GLS2: variants seen among roughly 807,000 people sequenced by gnomAD.
GLS2 encodes the protein glutaminase 2.
A neutral mutation model predicts 79.0 loss-of-function variants in GLS2; 52 were observed. The ratio of observed to expected loss-of-function variants is 0.66; its 90% CI spans 0.53 to 0.83. The LOEUF (loss-of-function observed/expected upper bound fraction) is 0.83, where lower values mean the gene tolerates loss of function less well. Ranked by LOEUF, GLS2 falls within the 40% of genes least tolerant of loss-of-function variation. The probability of loss-of-function intolerance (pLI) is 0.00; values close to 1 mark genes in which losing one functional copy is unlikely to be tolerated. For missense variants in GLS2, 561 were observed against 764.8 expected, an observed-to-expected ratio of 0.73 and a Z score of 3.14; for synonymous variants, 238 against 280.8, an observed-to-expected ratio of 0.85 and a Z score of 1.52.
intron 4 of GLS2, 122 bp from the exon 5 acceptor site, chr12:56,478,384 G>T: frequency 1.0e-6 from 1 of 985,146 alleles, no homozygotes; most frequent in Non-Finnish European, 1.5e-6. Context: ...GGGCAGAGGG[G>T]TTCCCTCCTG....
chr12:56,473,295 T>C lies in GLS2; in HGVS notation c.1382A>G (p.His461Arg), dbSNP rs762783950. 3.7e-6 allele frequency: 6 copies of C among 1,614,210 alleles called. No individual in the cohort carries two copies. The Admixed American group carries it at 1.0e-4, about 27-fold the overall frequency. The part of the protein sequence containing the change: ...CQKLVSLFNF[H>R]NYDNLRHCAR... Reference sequence around the variant, plus strand: ...ACAGTGCCTCAGGTTGTCATAGTTGTGGAAATTGAAGAGAGACACCAACTT... The same window carrying C: ...ACAGTGCCTCAGGTTGTCATAGTTGCGGAAATTGAAGAGAGACACCAACTT... The change falls in exon 14 of 18, where the codon CAC becomes CGC. Residue 461 changes from histidine (H) to arginine (R), a missense_variant. Physicochemically the swap from His to Arg is conservative, Grantham distance 29. This residue lies in a region of GLS2 where 136 missense variants were observed against 228.6 expected (regional missense o/e 0.59). Coordinates refer to ENST00000311966, the MANE Select transcript of GLS2 (RefSeq NM_013267.4).
chr12:56,488,149 G>A lies in GLS2; in HGVS notation c.-31C>T. 4.0e-6 allele frequency: 6 copies of A among 1,509,966 alleles called. No individual in the cohort carries two copies. Among genetic ancestry groups the A allele is most frequent in the Non-Finnish European group, 5.3e-6 (6 of 1,139,014 alleles). 93.5% of individuals were successfully genotyped at this position (1,509,966 alleles called of 1,614,324 possible). ...AGCAAGCCTCCGGCTCTGCAGGTGC[G>A]CCCGGGACCTCTAGCTGTGGCTGGG... On this transcript the variant is annotated 5_prime_UTR_variant, in exon 1 of 18. Coordinates refer to ENST00000311966, the MANE Select transcript of GLS2 (RefSeq NM_013267.4).
intron 9 of GLS2, chr12:56,475,382 G>C (rs1224006182): frequency 1.2e-6 from 1 of 827,960 alleles, no homozygotes; most frequent in East Asian, 2.7e-5. Flanking sequence ...GTCTTGGCAA[G>C]AAAGGGCTTA....
intron 16 of GLS2, 108 bp from the exon 17 acceptor site, chr12:56,471,944 TC>T: frequency 7.5e-7 from 1 of 1,331,420 alleles, no homozygotes; most frequent in Non-Finnish European, 1.1e-6. Context: ...AAAGGCCTCT[TC>T]CCATTTTGTA....
At chr12:56,482,017 G>A (rs1275461212) in intron 1 of GLS2, among the ~76,000 whole-genome samples, 1 of 152,128 alleles carries the variant, frequency 6.6e-6, no homozygotes, top group Non-Finnish European at 1.5e-5. Context: ...GATCACCTGA[G>A]GTCAGGAGTT....
chr12:56,480,296 A>G lies in GLS2; in HGVS notation c.274T>C (p.Phe92Leu). ...EGQERIPIHK[F>L]TTALKATGLQ... ...GGTAGAGGGCAACTTACAGTGGTGA[A>G]CTTGTGGATAGGGATTCGTTCCTGT... is the stretch of plus-strand genomic sequence containing the variant. The change falls in exon 2 of 18, where the codon TTC (phenylalanine) becomes CTC (leucine). Residue 92 changes from phenylalanine (F) to leucine (L), a missense_variant. By Grantham distance (22) the Phe-to-Leu change is conservative. This residue lies in a region of GLS2 where 161 missense variants were observed against 167.8 expected (regional missense o/e 0.96). Transcript: ENST00000311966. The G allele has an allele frequency of 1.2e-6, 2 of 1,613,934 alleles. No homozygotes were observed. Among genetic ancestry groups the G allele is most frequent in the Non-Finnish European group, 1.7e-6 (2 of 1,179,818 alleles).
Position 56,478,052 on chromosome 12 carries a change from C to T in GLS2, c.659G>A (p.Cys220Tyr). 1.2e-6 allele frequency: 2 copies of T among 1,614,188 alleles called. No individual in the cohort carries two copies. Among genetic ancestry groups the T allele is most frequent in the Non-Finnish European group, 1.7e-6 (2 of 1,180,020 alleles). ...HTKIPFCLQS[C>Y]VKPLTYAISI... ...GATGGCATAGGTGAGGGGCTTCACACAGGACTGCAGGCAGAAGGGGATCTT... is the reference window on the plus strand; with the variant it reads ...GATGGCATAGGTGAGGGGCTTCACATAGGACTGCAGGCAGAAGGGGATCTT... The change falls in exon 6 of 18, where the codon TGT becomes TAT. Residue 220 changes from cysteine (C) to tyrosine (Y), a missense_variant. Physicochemically the swap from Cys to Tyr is radical, Grantham distance 194 (BLOSUM62 -2). Around this residue, in one of 4 missense-constraint regions of GLS2, gnomAD observed 221 missense variants for 275.6 expected, o/e 0.80. Transcript: ENST00000311966.
In GLS2 at chr12:56,479,140, C is replaced by A; in HGVS notation, c.446G>T (p.Arg149Leu). ...AAAATCAGGAATGACAAACTTCTTT[C>A]GGAATGCCTGGGTCAGGAGCACAAT... ...SNIVLLTQAF[R>L]KKFVIPDFEE... Residue 149 changes from arginine to leucine, a missense_variant, in exon 4 of 18, where the codon CGA (arginine) becomes CTA (leucine). By Grantham distance (102) the Arg-to-Leu change is moderately radical. Coordinates refer to ENST00000311966, the MANE Select transcript of GLS2 (RefSeq NM_013267.4). 2 of 1,614,010 alleles carry A rather than the reference C, an allele frequency of 1.2e-6. No homozygotes were observed. Among genetic ancestry groups the A allele is most frequent in the Non-Finnish European group, 1.7e-6 (2 of 1,180,022 alleles).
intron 13 of GLS2, 34 bp from the exon 14 acceptor site, chr12:56,473,354 C>T (rs1297857249): frequency 6.2e-7 from 1 of 1,610,500 alleles, no homozygotes. Flanking sequence ...TGTTTATTTA[C>T]TCCTTACACT....
chr12:56,474,884 C>G lies in GLS2; in HGVS notation c.1009G>C (p.Gly337Arg). ...TCAAGGGCAGCCATCATGTCCACCC[C>G]CTTAGGAAAGCACTGCAAGGAAGAG... Reference protein sequence around the residue: ...YLKEKKCFPKGVDMMAALDLY... With the variant: ...YLKEKKCFPKRVDMMAALDLY... The change falls in exon 11 of 18, where the codon GGG becomes CGG. Residue 337 changes from glycine to arginine, a missense_variant. Gly to Arg is a moderately radical substitution (Grantham distance 125). This residue lies in a region of GLS2 where 221 missense variants were observed against 275.6 expected (regional missense o/e 0.80). Coordinates refer to ENST00000311966, the MANE Select transcript of GLS2 (RefSeq NM_013267.4). The G allele has an allele frequency of 6.2e-7, 1 of 1,614,142 alleles. No homozygotes were observed. Among genetic ancestry groups the G allele is most frequent in the Non-Finnish European group, 8.5e-7 (1 of 1,180,018 alleles).
Position 56,473,251 on chromosome 12 carries a change from G to A in GLS2, c.1426C>T (p.Arg476Trp), listed in dbSNP as rs772500412. Reference protein sequence around the residue: ...LRHCARKLDPRREGAEIRNKT... With the variant: ...LRHCARKLDPWREGAEIRNKT... ...ACCCGAATTTCTGCCCCTTCACGCC[G>A]TGGGTCTAACTTCCGAGCACAGTGC... Residue 476 changes from arginine to tryptophan, a missense_variant, in exon 14 of 18, where the codon CGG becomes TGG. Physicochemically the swap from Arg to Trp is moderately radical, Grantham distance 101. Transcript: ENST00000311966. The A allele has an allele frequency of 4.3e-6, 7 of 1,614,024 alleles. No individual in the cohort carries two copies. The highest frequency in any genetic ancestry group is 3.3e-5 in the Admixed American group (2 of 59,986).
chr12:56,481,618 T>C (rs1438453516), intron 1 of GLS2, among the ~76,000 whole-genome samples: 1 of 151,618 alleles, frequency 6.6e-6, no homozygotes, highest in Non-Finnish European at 1.5e-5. Flanking sequence ...AGGCTGGGCA[T>C]GGTGACTCAC....
chr12:56,479,336 T>C lies in GLS2; in HGVS notation c.405-155A>G, dbSNP rs1047018160. The C allele has an allele frequency of 5.6e-6, 5 of 888,244 alleles. No individual in the cohort carries two copies. In the Admixed American group the frequency reaches 1.3e-4, roughly 23 times the overall value. The allele number at this position is 888,244 out of a possible 1,614,324, so 55.0% of individuals were successfully genotyped here. A position where few individuals can be genotyped will look rare whatever the true frequency, so the allele number is the denominator to read the frequency against. On this transcript the variant is annotated intron_variant, in intron 3 of 17. Coordinates refer to ENST00000311966, the MANE Select transcript of GLS2 (RefSeq NM_013267.4). ...TGGCAAATCAGTTTACCTTTCTAGGTCTTAGTTTCCGTACCTCTAAAATGA... is the reference window on the plus strand; with the variant it reads ...TGGCAAATCAGTTTACCTTTCTAGGCCTTAGTTTCCGTACCTCTAAAATGA...
chr12:56,472,927 G>C lies in GLS2; in HGVS notation c.1450-176C>G, dbSNP rs570568345. On this transcript the variant is annotated intron_variant, in intron 14 of 17. Transcript: ENST00000311966. ...TTTTGAGACGGAGTCTCGCTCTGTC[G>C]TTCAGGCTGAAGTGTAGTGGCGCGC... is the stretch of plus-strand genomic sequence containing the variant. 6.8e-6 allele frequency: 4 copies of C among 590,090 alleles called. No individual in the cohort carries two copies. The African/African-American group carries it at 8.0e-5, about 12-fold the overall frequency. 36.6% of individuals were successfully genotyped at this position (590,090 alleles called of 1,614,324 possible). A position where few individuals can be genotyped will look rare whatever the true frequency, so the allele number is the denominator to read the frequency against.
chr12:56,474,341 G>C, intron 12 of GLS2: 1 of 613,626 alleles, frequency 1.6e-6, no homozygotes, highest in Non-Finnish European at 2.8e-6. Context: ...CACCTGCCTC[G>C]GCCTCCCAAA....
chr12:56,472,221 A>G (rs1869346907), intron 15 of GLS2, 26 bp from the exon 16 acceptor site: 39 of 1,605,760 alleles, frequency 2.4e-5, no homozygotes, highest in Non-Finnish European at 3.2e-5. Flanking sequence ...AAGCAGCTAG[A>G]GTTGCCTAGA....
intron 13 of GLS2, 41 bp from the exon 14 acceptor site, chr12:56,473,361 C>T (rs561053039): frequency 1.9e-6 from 3 of 1,609,268 alleles, no homozygotes; most frequent in Admixed American, 1.7e-5. Context: ...TTACTCCTTA[C>T]ACTTAGTAGG....
At chr12:56,481,650 G>A (rs1307806812) in intron 1 of GLS2, among the ~76,000 whole-genome samples, 1 of 151,066 alleles carries the variant, frequency 6.6e-6, no homozygotes, top group African/African-American at 2.4e-5. Flanking sequence ...CAGCACTTTG[G>A]GAGGCTGAGG....
intron 7 of GLS2, chr12:56,477,255 G>A: frequency 6.3e-6 from 1 of 159,348 alleles, no homozygotes; most frequent in Non-Finnish European, 1.4e-5. Context: ...GTGAATAACT[G>A]CCCTGGCCTG....
Sources: allele counts gnomAD v4.1 joint callset (sites outside exome capture counted in the v4.1 genomes callset), GRCh38; gene constraint gnomAD v4.1.1; regional missense constraint gnomAD v4.1.1; transcripts MANE v1.5; gene names NCBI Gene and HGNC (gene_info 2026-07-23, HGNC 2026-07-21).